JADE2: variants seen among roughly 807,000 people sequenced by gnomAD.
JADE2 encodes the protein E3 ubiquitin-protein ligase Jade-2.
A neutral mutation model predicts 85.7 loss-of-function variants in JADE2; 13 were observed. The observed-to-expected ratio is 0.15, with a 90% confidence interval of 0.10 to 0.24. The LOEUF (loss-of-function observed/expected upper bound fraction) is 0.24. Among genes scored for constraint, JADE2 ranks in the 10% least tolerant of loss-of-function variants. JADE2 has a pLI of 1.00. For synonymous variants in JADE2, 440 were observed against 456.1 expected (o/e 0.96, Z 0.45); for missense variants, 846 against 1,115.9 (o/e 0.76, Z 3.45).
chr5:134,534,295 C>T lies in JADE2; in HGVS notation c.1-1563C>T, dbSNP rs994895480. Among the ~76,000 whole-genome samples, 6 of 152,148 alleles carry T rather than the reference C, an allele frequency of 3.9e-5. No individual in the cohort carries two copies. In the East Asian group the frequency reaches 1.2e-3, roughly 29 times the overall value. On this transcript the variant is annotated intron_variant, in intron 1 of 11. Transcript: ENST00000681547. The stretch of plus-strand genomic sequence containing the variant: ...TGAGGTCCCTGTGGACCCTGTGGAA[C>T]CCCCTCCCGCTACTGTGAGCGCTTA...
intron 4 of JADE2, among the ~76,000 whole-genome samples, chr5:134,553,604 G>A (rs935905296): frequency 6.6e-6 from 1 of 151,828 alleles, no homozygotes; most frequent in East Asian, 1.9e-4. Context: ...CGCCCTCCTC[G>A]GCCTCCCAAA....
chr5:134,532,976 AT>A (rs1761341927), intron 1 of JADE2, among the ~76,000 whole-genome samples: 1 of 152,168 alleles, frequency 6.6e-6, no homozygotes, highest in Non-Finnish European at 1.5e-5. Flanking sequence ...TCCCTTAATA[AT>A]AGCCTCCCAT....
At chr5:134,550,181 G>C (rs920258744) in intron 3 of JADE2, among the ~76,000 whole-genome samples, 25 of 152,110 alleles carry the variant, frequency 1.6e-4, no homozygotes, top group Admixed American at 1.6e-3. Context: ...TTTCACACTG[G>C]CACCCTAATT....
chr5:134,556,153 CT>C, intron 4 of JADE2, among the ~76,000 whole-genome samples: 1 of 152,232 alleles, frequency 6.6e-6, no homozygotes, highest in East Asian at 1.9e-4. Context: ...TGAGTCACAG[CT>C]TCTGGCAGCC....
intron 3 of JADE2, among the ~76,000 whole-genome samples, chr5:134,546,022 C>G (rs1257743719): frequency 6.6e-6 from 1 of 152,208 alleles, no homozygotes; most frequent in Non-Finnish European, 1.5e-5. Flanking sequence ...CTGGAAGAAT[C>G]CTGCCAGCCT....
intron 4 of JADE2, among the ~76,000 whole-genome samples, chr5:134,557,602 T>G (rs1393652548): frequency 8.7e-6 from 1 of 114,322 alleles, no homozygotes; most frequent in Non-Finnish European, 1.8e-5. Flanking sequence ...CATTGTTCAA[T>G]TCCCACCTAT....
intron 9 of JADE2, among the ~76,000 whole-genome samples, chr5:134,572,776 G>A (rs1764115819): frequency 6.6e-6 from 1 of 152,266 alleles, no homozygotes; most frequent in African/African-American, 2.4e-5. Context: ...TGGGCAGGCA[G>A]TAGCATGGTC....
chr5:134,565,633 T>G (rs1004318758), intron 8 of JADE2, among the ~76,000 whole-genome samples: 64 of 152,210 alleles, frequency 4.2e-4, no homozygotes, highest in Non-Finnish European at 8.5e-4. Flanking sequence ...TCACCTGAGG[T>G]CAGGAGTTCG....
chr5:134,537,964 CT>C (rs776701304), intron 2 of JADE2, 24 bp from the exon 3 acceptor site: 4 of 1,595,580 alleles, frequency 2.5e-6, no homozygotes. Flanking sequence ...TCCAGGACCC[CT>C]AATGGACTGT....
chr5:134,547,168 A>ACT (rs1328591883), intron 3 of JADE2, among the ~76,000 whole-genome samples: 3 of 152,220 alleles, frequency 2.0e-5, no homozygotes, highest in Non-Finnish European at 4.4e-5. Flanking sequence ...AGTCTCAGAA[A>ACT]AAGACGTGAA....
At chr5:134,535,987 G>A (rs905086772) in intron 2 of JADE2, 72 bp downstream of exon 2, 38 of 1,304,828 alleles carry the variant, frequency 2.9e-5, no homozygotes, top group Non-Finnish European at 4.1e-5. Flanking sequence ...GCCCAGATGG[G>A]AGGAGGCTGC....
intron 4 of JADE2, among the ~76,000 whole-genome samples, chr5:134,556,047 A>G (rs1239291083): frequency 1.3e-5 from 2 of 151,790 alleles, no homozygotes; most frequent in East Asian, 1.9e-4. Context: ...TTTTGCTGAC[A>G]TTGGGTGTGG....
rs201031539 is a variant in JADE2 at position 134,562,407 on chromosome 5, C to G, written c.852+40C>G. 6.4e-6 allele frequency: 10 copies of G among 1,569,532 alleles called. No individual in the cohort carries two copies. In the African/African-American group the frequency reaches 1.4e-4, roughly 21 times the overall value. On this transcript the variant is annotated intron_variant, in intron 7 of 11. Coordinates refer to ENST00000681547, the MANE Select transcript of JADE2 (RefSeq NM_001388185.1). This position sits in a 1 kb window ranked among gnomAD's most constrained non-coding sequence, Gnocchi z 4.6. ...AGGTGAGGCAGCCCAAGGAATAGCC[C>G]GTGGGGAAGTGGGTCTGCATGGGAC... is the stretch of plus-strand genomic sequence containing the variant.
intron 1 of JADE2, among the ~76,000 whole-genome samples, chr5:134,534,767 C>T (rs1428364133): frequency 1.3e-5 from 2 of 152,176 alleles, no homozygotes; most frequent in African/African-American, 4.8e-5. Flanking sequence ...CACAGGGGAG[C>T]GTGCTCTGAA....
intron 1 of JADE2, chr5:134,526,538 G>T: frequency 1.0e-6 from 1 of 985,354 alleles, no homozygotes; most frequent in South Asian, 4.7e-5. Context: ...TCCGGGCGCC[G>T]AACCGGGCTG....
At chr5:134,531,098 A>G (rs1420767730) in intron 1 of JADE2, among the ~76,000 whole-genome samples, 1 of 152,244 alleles carries the variant, frequency 6.6e-6, no homozygotes, top group Non-Finnish European at 1.5e-5. Context: ...TGTGATGAGC[A>G]TAGACTGACA....
chr5:134,557,276 T>A (rs199754043), intron 4 of JADE2, among the ~76,000 whole-genome samples: 100 of 68,732 alleles, frequency 1.5e-3, no homozygotes, highest in African/African-American at 3.3e-3. Flanking sequence ...TTATTTTTTT[T>A]TTTATTTTTT....
At chr5:134,538,192 G>A in intron 3 of JADE2, 109 bp downstream of exon 3, 2 of 805,092 alleles carry the variant, frequency 2.5e-6, no homozygotes, top group South Asian at 1.6e-5. Context: ...GCAGAGGGAG[G>A]CCAGCGTGGC....
intron 8 of JADE2, among the ~76,000 whole-genome samples, chr5:134,564,972 G>A (rs192145310): frequency 2.6e-5 from 4 of 152,300 alleles, no homozygotes; most frequent in Admixed American, 1.3e-4. Flanking sequence ...ATCTAGCTAA[G>A]CTAATAGACT....
Sources: allele counts gnomAD v4.1 joint callset (sites outside exome capture counted in the v4.1 genomes callset), GRCh38; gene constraint gnomAD v4.1.1; non-coding constraint Gnocchi (gnomAD v3.1); transcripts MANE v1.5; gene names NCBI Gene and HGNC (gene_info 2026-07-23, HGNC 2026-07-21).